The following SPECC1L variants were observed in gnomAD, a reference collection of about 807,000 sequenced individuals.
The protein encoded by SPECC1L is cytospin-A.
In SPECC1L, 40 loss-of-function variants were observed where a neutral mutation model predicts 116.8. The observed-to-expected ratio is 0.34, with a 90% CI of 0.27 to 0.45. SPECC1L has a LOEUF of 0.45. Among genes scored for constraint, SPECC1L ranks in the 20% least tolerant of loss-of-function variants. SPECC1L has a pLI of 1.00. For synonymous variants in SPECC1L, 504 were observed against 500.6 expected (o/e 1.01, Z -0.09); for missense variants, 1,110 against 1,373.6 (o/e 0.81, Z 3.03).
At chr22:24,354,962 C>G (rs994120489) in intron 11 of SPECC1L, among the ~76,000 whole-genome samples, 7 of 147,340 alleles carry the variant, frequency 4.8e-5, no homozygotes, top group African/African-American at 1.5e-4. Context: ...GTTCTGGTTA[C>G]TTTTATTAGA....
chr22:24,363,208 C>A (rs1601608983), intron 11 of SPECC1L, 53 bp from the exon 12 acceptor site: 2 of 1,422,834 alleles, frequency 1.4e-6, no homozygotes, highest in Middle Eastern at 1.7e-4. Context: ...ACCTTTATTA[C>A]TTTAAAGTTC....
intron 6 of SPECC1L, among the ~76,000 whole-genome samples, chr22:24,325,736 A>G (rs1205433154): frequency 1.3e-5 from 2 of 152,174 alleles, no homozygotes; most frequent in South Asian, 2.1e-4. Flanking sequence ...TGATCAGTCT[A>G]AGATGACCAG....
chr22:24,275,179 TG>T (rs2048812848), intron 1 of SPECC1L, among the ~76,000 whole-genome samples: 1 of 152,256 alleles, frequency 6.6e-6, no homozygotes, highest in Non-Finnish European at 1.5e-5. Flanking sequence ...CGGCCTCCAC[TG>T]GACAATGAGA....
chr22:24,308,443 G>A (rs2049545608), intron 3 of SPECC1L, among the ~76,000 whole-genome samples: 1 of 152,148 alleles, frequency 6.6e-6, no homozygotes, highest in South Asian at 2.1e-4. Context: ...ATTTGGGTTT[G>A]GTAATATTTC....
chr22:24,398,966 C>G (rs2042418711), intron 14 of SPECC1L, among the ~76,000 whole-genome samples: 1 of 152,188 alleles, frequency 6.6e-6, no homozygotes, highest in South Asian at 2.1e-4. Context: ...TATCCCCTGC[C>G]AAAGCTAAAC....
chr22:24,359,230 C>G (rs1039889596), intron 11 of SPECC1L, among the ~76,000 whole-genome samples: 6 of 152,154 alleles, frequency 3.9e-5, no homozygotes, highest in African/African-American at 1.2e-4. Context: ...ACTTTTGTCC[C>G]CACCAGTGTA....
chr22:24,375,979 CAAAAA>C (rs908217455), intron 14 of SPECC1L, among the ~76,000 whole-genome samples: 6 of 150,218 alleles, frequency 4.0e-5, no homozygotes, highest in Non-Finnish European at 7.4e-5. Flanking sequence ...ACAAAAAAAA[CAAAAA>C]AAACCCACAG....
At chr22:24,301,282 C>G (rs915460666) in intron 2 of SPECC1L, among the ~76,000 whole-genome samples, 1 of 152,016 alleles carries the variant, frequency 6.6e-6, no homozygotes, top group African/African-American at 2.4e-5. Flanking sequence ...AGAAAACAAC[C>G]CCATCAAAAA....
intron 10 of SPECC1L, among the ~76,000 whole-genome samples, chr22:24,346,571 A>G (rs1002608960): frequency 9.9e-5 from 15 of 152,244 alleles, no homozygotes; most frequent in Non-Finnish European, 1.8e-4. Context: ...CTCTTCCAAC[A>G]AAATAATGAA....
intron 10 of SPECC1L, among the ~76,000 whole-genome samples, chr22:24,338,799 T>A (rs138039143): frequency 6.6e-6 from 1 of 152,222 alleles, no homozygotes; most frequent in African/African-American, 2.4e-5. Context: ...ACTGTTCTTA[T>A]CTGTATTTTT....
At chr22:24,329,545 A>G (rs527896805) in intron 7 of SPECC1L, among the ~76,000 whole-genome samples, 3 of 152,322 alleles carry the variant, frequency 2.0e-5, no homozygotes, top group East Asian at 3.9e-4. Context: ...GTCATACCAC[A>G]GTTGCTCAGG....
intron 9 of SPECC1L, among the ~76,000 whole-genome samples, chr22:24,335,498 T>C (rs1229669332): frequency 6.6e-6 from 1 of 152,202 alleles, no homozygotes; most frequent in Non-Finnish European, 1.5e-5. Context: ...ATGACTGACT[T>C]GTTTTCATCT....
intron 4 of SPECC1L, among the ~76,000 whole-genome samples, chr22:24,320,288 C>A (rs2040694888): frequency 1.3e-5 from 2 of 151,746 alleles, no homozygotes. Context: ...CAAAAAAAAC[C>A]AAAAAAACGA....
intron 4 of SPECC1L, among the ~76,000 whole-genome samples, chr22:24,317,579 C>T (rs1429142576): frequency 6.8e-6 from 1 of 146,032 alleles, no homozygotes; most frequent in African/African-American, 2.5e-5. Context: ...CGCCCCTCGC[C>T]TCCCGGACGG....
At chr22:24,413,147 C>T (rs2042732978) in intron 16 of SPECC1L, among the ~76,000 whole-genome samples, 1 of 152,252 alleles carries the variant, frequency 6.6e-6, no homozygotes, top group Non-Finnish European at 1.5e-5. Flanking sequence ...TCAGCCAAGG[C>T]AGGCGGCTTT....
chr22:24,405,704 G>A (rs1253754710), intron 14 of SPECC1L, among the ~76,000 whole-genome samples: 1 of 152,018 alleles, frequency 6.6e-6, no homozygotes, highest in African/African-American at 2.4e-5. Context: ...GCCGGGCATG[G>A]TGGCGGGTGC....
chr22:24,293,070 A>G (rs1188361565), intron 2 of SPECC1L, among the ~76,000 whole-genome samples: 2 of 151,906 alleles, frequency 1.3e-5, no homozygotes, highest in Admixed American at 6.6e-5. Context: ...TATGATAGAG[A>G]AAAAAAATTA....
chr22:24,286,989 T>C (rs1432299417), intron 2 of SPECC1L, among the ~76,000 whole-genome samples: 1 of 152,186 alleles, frequency 6.6e-6, no homozygotes, highest in African/African-American at 2.4e-5. Context: ...ATACCCTAAA[T>C]GTTGTCTGGA....
intron 2 of SPECC1L, among the ~76,000 whole-genome samples, chr22:24,283,561 T>C (rs907827500): frequency 6.6e-5 from 10 of 152,374 alleles, no homozygotes; most frequent in African/African-American, 2.2e-4. Flanking sequence ...GTAATGTCTT[T>C]GTCAGATTTT....
Sources: gnomAD v4.1 joint callset for allele counts (sites outside exome capture counted in the v4.1 genomes callset) on GRCh38, gnomAD v4.1.1 for gene constraint, MANE v1.5 for transcripts, NCBI Gene and HGNC (gene_info 2026-07-23, HGNC 2026-07-21) for gene names.